TNIP1: variants seen among roughly 807,000 people sequenced by gnomAD.
TNIP1 encodes TNFAIP3 interacting protein 1.
A neutral mutation model predicts 86.6 loss-of-function variants in TNIP1; 22 were observed. The ratio of observed to expected loss-of-function variants is 0.25; its 90% CI spans 0.18 to 0.36. TNIP1 has a LOEUF of 0.36. Ranked by LOEUF, TNIP1 falls within the 10% of genes least tolerant of loss-of-function variation. TNIP1 has a pLI of 1.00. For synonymous variants in TNIP1, 294 were observed against 313.0 expected (o/e 0.94, Z 0.64); for missense variants, 709 against 820.6 (o/e 0.86, Z 1.66).
rs79535571 is a variant in TNIP1 at position 151,050,345 on chromosome 5, C to T, written c.723-398G>A. 8.5e-5 allele frequency among the ~76,000 whole-genome samples: 13 copies of T among 152,342 alleles called. No individual in the cohort carries two copies. In the East Asian group the frequency reaches 1.9e-3, roughly 23 times the overall value. ...GGCCCTGGGCACCTCTCTAGTTACT[C>T]GCCAGTTTCCCTCGTTAACACAGAA... On this transcript the variant is annotated intron_variant, in intron 7 of 17. Transcript: ENST00000521591.
intron 11 of TNIP1, among the ~76,000 whole-genome samples, 189 bp from the exon 12 acceptor site, chr5:151,039,414 T>G (rs541829789): frequency 3.3e-4 from 50 of 152,204 alleles, no homozygotes; most frequent in African/African-American, 1.2e-3. Context: ...TGTGTCAATT[T>G]AAAATAATAA....
chr5:151,063,826 C>A (rs540259955), intron 2 of TNIP1, 79 bp from the exon 3 acceptor site: 34 of 1,547,800 alleles, frequency 2.2e-5, no homozygotes, highest in Non-Finnish European at 3.0e-5. Context: ...GGCCCCTAAC[C>A]GTGCTGCCGC....
In TNIP1 at chr5:151,036,831, T is replaced by C. The variant is rs1757767747; in HGVS notation, c.1354A>G (p.Lys452Glu). 3.1e-6 allele frequency: 5 copies of C among 1,613,930 alleles called. No individual in the cohort carries two copies. Among genetic ancestry groups the C allele is most frequent in the Non-Finnish European group, 4.2e-6 (5 of 1,179,962 alleles). ...SPEGAGALLR[K>E]QELVTQNELL... ...TCATTCTGCGTGACCAGCTCCTGTT[T>C]CCTTAGGAGGGCCCCTGCTCCTTCT... The change falls in exon 13 of 18, where the codon AAA (lysine) becomes GAA (glutamate). Residue 452 changes from lysine to glutamate, a missense_variant. By Grantham distance (56) the Lys-to-Glu change is moderately conservative. Transcript: ENST00000521591.
At chr5:151,057,387 T>C (rs1760808220) in intron 5 of TNIP1, among the ~76,000 whole-genome samples, 1 of 152,180 alleles carries the variant, frequency 6.6e-6, no homozygotes, top group Non-Finnish European at 1.5e-5. Flanking sequence ...TATCCATGGG[T>C]TCCGCATCCA....
rs1761641526 is a variant in TNIP1, at chr5:151,062,081, A to G, written c.357+46T>C. On this transcript the variant is annotated intron_variant, in intron 4 of 17. Transcript: ENST00000521591. ...TTCTTGTATCTGTCAGTAGGACTTG[A>G]GGTCCATCCAGGCAACCTCCACCCA... The G allele has an allele frequency of 2.6e-6, 4 of 1,537,822 alleles. No individual in the cohort carries two copies. In the East Asian group the frequency reaches 6.8e-5, roughly 26 times the overall value.
At chr5:151,032,006 C>T in intron 17 of TNIP1, 1 of 358,996 alleles carries the variant, frequency 2.8e-6, no homozygotes, top group Non-Finnish European at 5.0e-6. Flanking sequence ...CCTCATTAGA[C>T]ATTACGCTGT....
chr5:151,085,807 G>A (rs774346559), upstream of TNIP1, among the ~76,000 whole-genome samples: 5 of 152,194 alleles, frequency 3.3e-5, no homozygotes, highest in Non-Finnish European at 5.9e-5. Flanking sequence ...GGCCCAGCCC[G>A]GCCCAGCCTC....
At chr5:151,073,199 G>A (rs557045267) in intron 1 of TNIP1, among the ~76,000 whole-genome samples, 1 of 146,864 alleles carries the variant, frequency 6.8e-6, no homozygotes, top group South Asian at 2.2e-4. Context: ...TCCAGCCTGG[G>A]AGACAGAGTG....
rs1756725317 is a variant in TNIP1 at position 151,030,186 on chromosome 5, G to A, written c.*527C>T. 2.2e-6 allele frequency: 1 copy of A among 456,198 alleles called. No individual in the cohort carries two copies. Among genetic ancestry groups the A allele is most frequent in the African/African-American group, 2.0e-5 (1 of 50,086 alleles). 28.3% of individuals were successfully genotyped at this position (456,198 alleles called of 1,614,324 possible). A position where few individuals can be genotyped will look rare whatever the true frequency, so the allele number is the denominator to read the frequency against. ...GAGTGGTGGTGGAGAGGGCCCCAGA[G>A]CCAGAATATCCATCATTCTCTTCTG... On this transcript the variant is annotated 3_prime_UTR_variant, in exon 18 of 18. Coordinates refer to ENST00000521591, the MANE Select transcript of TNIP1 (RefSeq NM_006058.5).
chr5:151,073,226 G>GAAAAA (rs1279821572), intron 1 of TNIP1, among the ~76,000 whole-genome samples: 1 of 104,280 alleles, frequency 9.6e-6, no homozygotes. Context: ...CATCTCAAAA[G>GAAAAA]AAAAAAAAAA....
chr5:151,046,616 T>C (rs1309414596), intron 8 of TNIP1, among the ~76,000 whole-genome samples: 3 of 152,056 alleles, frequency 2.0e-5, no homozygotes, highest in African/African-American at 7.3e-5. Context: ...AGATAAAATA[T>C]AAGGTGAGTT....
At chr5:151,065,509 A>T (rs1762124789) in intron 1 of TNIP1, among the ~76,000 whole-genome samples, 1 of 152,186 alleles carries the variant, frequency 6.6e-6, no homozygotes, top group African/African-American at 2.4e-5. Context: ...CCATCATTGC[A>T]TCCTCAGAGC....
At chr5:151,030,870 G>T in intron 17 of TNIP1, 123 bp from the exon 18 acceptor site, 1 of 770,992 alleles carries the variant, frequency 1.3e-6, no homozygotes, top group Non-Finnish European at 2.1e-6. Flanking sequence ...GCTACCAAGT[G>T]CCAGGGCTAA....
Position 151,063,697 on chromosome 5 carries a change from C to A in TNIP1, c.187G>T (p.Ala63Ser). ...TCGTTGTCCTTCACTAGCTCCTCTG[C>A]CTTCTGCCGGAGCCTGGTCGCTTCC... ...QMEATRLRQK[A>S]EELVKDNELL... The change falls in exon 3 of 18, where the codon GCA becomes TCA. Residue 63 changes from alanine (A) to serine (S), a missense_variant. Coordinates refer to ENST00000521591, the MANE Select transcript of TNIP1 (RefSeq NM_006058.5). The A allele has an allele frequency of 1.9e-6, 3 of 1,614,132 alleles. No individual in the cohort carries two copies. Among genetic ancestry groups the A allele is most frequent in the Non-Finnish European group, 2.5e-6 (3 of 1,180,000 alleles).
chr5:151,033,284 T>C (rs1328538587), intron 16 of TNIP1, among the ~76,000 whole-genome samples: 1 of 151,582 alleles, frequency 6.6e-6, no homozygotes, highest in Non-Finnish European at 1.5e-5. Flanking sequence ...ACGTGGAAGT[T>C]ATAAGAAAAA....
At chr5:151,065,243 G>T in intron 1 of TNIP1, 112 bp from the exon 2 acceptor site, 1 of 872,228 alleles carries the variant, frequency 1.1e-6, no homozygotes, top group East Asian at 2.7e-5. Context: ...CTTTAAGCTG[G>T]TCTGACCATA....
At chr5:151,064,029 C>G (rs1761929480) in intron 2 of TNIP1, among the ~76,000 whole-genome samples, 1 of 152,200 alleles carries the variant, frequency 6.6e-6, no homozygotes, top group Non-Finnish European at 1.5e-5. Flanking sequence ...CATTCTCTTT[C>G]TGCCCCACTC....
chr5:151,062,260 C>T, intron 3 of TNIP1, 48 bp from the exon 4 acceptor site: 1 of 1,553,870 alleles, frequency 6.4e-7, no homozygotes. Flanking sequence ...AGGGGAGAAG[C>T]CCAGGTACCA....
intron 7 of TNIP1, among the ~76,000 whole-genome samples, chr5:151,051,929 G>A (rs1335097196): frequency 6.6e-6 from 1 of 152,178 alleles, no homozygotes; most frequent in Admixed American, 6.5e-5. Context: ...TACAATCTAT[G>A]CTGACCTTCT....
Sources: allele counts gnomAD v4.1 joint callset (sites outside exome capture counted in the v4.1 genomes callset), GRCh38; gene constraint gnomAD v4.1.1; transcripts MANE v1.5; gene names NCBI Gene and HGNC (gene_info 2026-07-23, HGNC 2026-07-21).